The following NWD1 variants were observed in gnomAD, a reference collection of about 807,000 sequenced individuals.
The protein encoded by NWD1 is NACHT domain- and WD repeat-containing protein 1.
A neutral mutation model predicts 135.1 loss-of-function variants in NWD1; 129 were observed. The ratio of observed to expected loss-of-function variants is 0.96; its 90% CI spans 0.83 to 1.11. The LOEUF is 1.11. Among genes scored for constraint, NWD1 ranks in the 50% least tolerant of loss-of-function variants. The pLI is 0.00. For synonymous variants in NWD1, 773 were observed against 786.0 expected, an observed-to-expected ratio of 0.98 and a Z score of 0.28; for missense variants, 1,740 against 1,851.3, an observed-to-expected ratio of 0.94 and a Z score of 1.10.
At chr19:16,780,839 G>C (rs1969828886) in intron 12 of NWD1, among the ~76,000 whole-genome samples, 1 of 151,826 alleles carries the variant, frequency 6.6e-6, no homozygotes, top group South Asian at 2.1e-4. Context: ...TGTATTTTTT[G>C]GTAGAGACAG....
chr19:16,738,730 CTATATATAATATATATATTA>C (rs1967943616), intron 4 of NWD1, among the ~76,000 whole-genome samples: 1 of 138,870 alleles, frequency 7.2e-6, no homozygotes, highest in East Asian at 2.0e-4. Flanking sequence ...TATATATAAT[CTATATATAATATATATATTA>C]TATATATATA....
chr19:16,786,181 CT>C (rs67953014), intron 12 of NWD1, among the ~76,000 whole-genome samples: 26,024 of 147,802 alleles, frequency 0.18, 5,094 homozygotes, highest in African/African-American at 0.49. Context: ...ATTATTTTTA[CT>C]TTTTTTTTTA....
In NWD1 at chr19:16,791,370, A is replaced by G. The variant is rs748275987; in HGVS notation, c.2961A>G (p.Glu987=). ...SGSKINAWNL[E]TAEPVFHILG... ...ATTAGATCAATGCTTGGAATCTGGA[A>G]ACTGCAGAGCCGGTATTCCATATCC... is the stretch of plus-strand genomic sequence containing the variant. Residue 987 remains glutamate (E), a synonymous_variant, in exon 14 of 19, where the codon GAA becomes GAG. Coordinates refer to ENST00000524140, the MANE Select transcript of NWD1 (RefSeq NM_001007525.5). The G allele has an allele frequency of 2.5e-6, 4 of 1,613,830 alleles. No homozygotes were observed. Among genetic ancestry groups the G allele is most frequent in the Non-Finnish European group, 3.4e-6 (4 of 1,179,872 alleles).
At chr19:16,799,440 C>T (rs914551073) in intron 16 of NWD1, among the ~76,000 whole-genome samples, 5 of 151,872 alleles carry the variant, frequency 3.3e-5, no homozygotes, top group African/African-American at 7.3e-5. Context: ...ATGATCCACC[C>T]GCCTCAGCCT....
chr19:16,800,150 G>A lies in NWD1; in HGVS notation c.3724G>A (p.Asp1242Asn). 1 of 1,611,630 alleles carries A rather than the reference G, an allele frequency of 6.2e-7. No homozygotes were observed. The highest frequency in any genetic ancestry group is 1.3e-5 in the African/African-American group (1 of 75,000). ...GGACAAAAACAAAGTCACTATTTGG[G>A]ACTTGGCAGAAGGTTGGTAAGGTAT... ...IGDKNKVTIW[D>N]LAEGEEQDSL... Residue 1242 changes from aspartate (D) to asparagine (N), a missense_variant, in exon 17 of 19, where the codon GAC becomes AAC. Coordinates refer to ENST00000524140, the MANE Select transcript of NWD1 (RefSeq NM_001007525.5).
intron 15 of NWD1, among the ~76,000 whole-genome samples, chr19:16,796,155 A>C (rs1970411108): frequency 6.6e-6 from 1 of 152,018 alleles, no homozygotes; most frequent in Non-Finnish European, 1.5e-5. Context: ...GTTAAAAAGC[A>C]TTATTCAGGC....
At chr19:16,759,142 A>G (rs1968910349) in intron 6 of NWD1, 83 bp from the exon 7 acceptor site, 2 of 1,150,422 alleles carry the variant, frequency 1.7e-6, no homozygotes, top group Non-Finnish European at 2.6e-6. Context: ...GGGTGGCTGT[A>G]TCCCTCCCTC....
At chr19:16,800,283 C>G in intron 17 of NWD1, 121 bp downstream of exon 17, 1 of 1,051,224 alleles carries the variant, frequency 9.5e-7, no homozygotes, top group Non-Finnish European at 1.4e-6. Flanking sequence ...CCTGTAATCC[C>G]AGGACTTTGG....
chr19:16,745,211 A>G (rs1411152063), intron 5 of NWD1: 1 of 376,286 alleles, frequency 2.7e-6, no homozygotes, highest in Non-Finnish European at 5.3e-6. Flanking sequence ...ATCTTGTGAG[A>G]CTTATTCACT....
rs1051808273 is a variant in NWD1, at chr19:16,765,073, G to A, written c.2291G>A (p.Gly764Asp). Residue 764 changes from glycine (G) to aspartate (D), a missense_variant, in exon 10 of 19, where the codon GGC becomes GAC. Coordinates refer to ENST00000524140, the MANE Select transcript of NWD1 (RefSeq NM_001007525.5). ...SWISCRGISG[G>D]IEDLLDDFDL... ...ATTTCCTGCCGGGGCATCTCTGGGG[G>A]CATTGAAGACCTGCTGGATGACTTT... 1 of 1,614,110 alleles carries A rather than the reference G, an allele frequency of 6.2e-7. No homozygotes were observed. Among genetic ancestry groups the A allele is most frequent in the African/African-American group, 1.3e-5 (1 of 75,010 alleles).
chr19:16,746,164 G>A (rs2122782178), intron 5 of NWD1, among the ~76,000 whole-genome samples: 1 of 149,910 alleles, frequency 6.7e-6, no homozygotes, highest in Non-Finnish European at 1.5e-5. Flanking sequence ...GACCAGTCTG[G>A]GCAACATGGC....
rs542741345 is a variant in NWD1, at chr19:16,799,727, C to T, written c.3460-159C>T. On this transcript the variant is annotated intron_variant, in intron 16 of 18. Transcript: ENST00000524140. ...TTCTCCATGTTGGTCAGGCTGGTCT[C>T]GAACTCCTGACCTCAGGTGATCCAC... 2.4e-3 allele frequency among the ~76,000 whole-genome samples: 361 copies of T among 152,118 alleles called. 2 individuals carry two copies. Among genetic ancestry groups the T allele is most frequent in the Non-Finnish European group, 3.8e-3 (256 of 67,976 alleles).
chr19:16,754,110 CATCT>C (rs1161801404), intron 6 of NWD1, among the ~76,000 whole-genome samples: 1 of 150,274 alleles, frequency 6.7e-6, no homozygotes, highest in Admixed American at 6.6e-5. Context: ...TCCATCTATT[CATCT>C]ATCTATCCAT....
intron 2 of NWD1, among the ~76,000 whole-genome samples, chr19:16,725,133 C>T (rs532346838): frequency 2.6e-5 from 4 of 152,004 alleles, no homozygotes; most frequent in Admixed American, 1.3e-4. Context: ...CATGCCTCAG[C>T]CTCTCGAATA....
At chr19:16,792,264 G>T (rs1970272892) in intron 14 of NWD1, among the ~76,000 whole-genome samples, 1 of 152,064 alleles carries the variant, frequency 6.6e-6, no homozygotes. Flanking sequence ...AGACTGGCTG[G>T]GCGCTGTGTC....
chr19:16,802,808 C>T (rs1436651142), intron 17 of NWD1, among the ~76,000 whole-genome samples: 1 of 151,980 alleles, frequency 6.6e-6, no homozygotes, highest in Non-Finnish European at 1.5e-5. Context: ...CGAGACTAGC[C>T]TGGCCAACAT....
chr19:16,794,543 C>T lies in NWD1; in HGVS notation c.3294C>T (p.Leu1098=), dbSNP rs568529026. The T allele has an allele frequency of 6.9e-5, 110 of 1,604,488 alleles. 1 individual carries two copies. In the Middle Eastern group the frequency reaches 2.0e-3, roughly 29 times the overall value. The change falls in exon 15 of 19, where the codon CTC becomes CTT. Residue 1098 remains leucine, a synonymous_variant. Coordinates refer to ENST00000524140, the MANE Select transcript of NWD1 (RefSeq NM_001007525.5). ...TGGTGGTCTCTGAAGATGAGTCCCT[C>T]CTCGCCGCAGGTAGCGTTTAGCTCT... ...RFLVVSEDES[L]LAAGFGRSVR...
At chr19:16,732,207 A>G (rs1479795426) in intron 3 of NWD1, among the ~76,000 whole-genome samples, 1 of 113,364 alleles carries the variant, frequency 8.8e-6, no homozygotes, top group Non-Finnish European at 1.8e-5. Flanking sequence ...ACAGAGTGAG[A>G]CTCCGTCTCA....
At chr19:16,771,542 G>C (rs938635362) in intron 10 of NWD1, among the ~76,000 whole-genome samples, 2 of 152,148 alleles carry the variant, frequency 1.3e-5, no homozygotes, top group African/African-American at 4.8e-5. Flanking sequence ...CGCGAGAGGC[G>C]CTCGCCAGGA....
Sources: gnomAD v4.1 joint callset for allele counts (sites outside exome capture counted in the v4.1 genomes callset) on GRCh38, gnomAD v4.1.1 for gene constraint, MANE v1.5 for transcripts, NCBI Gene and HGNC (gene_info 2026-07-23, HGNC 2026-07-21) for gene names.